The following DTNB variants were observed in gnomAD, a reference collection of about 807,000 sequenced individuals.
The protein encoded by DTNB is dystrobrevin beta.
In DTNB, 63 loss-of-function variants were observed where a neutral mutation model predicts 90.7. The ratio of observed to expected loss-of-function variants is 0.69; its 90% CI spans 0.57 to 0.86. The LOEUF is 0.86. Ranked by LOEUF, DTNB falls within the 40% of genes least tolerant of loss-of-function variation. The pLI is 0.00. For synonymous variants in DTNB, 277 were observed against 286.7 expected (o/e 0.97, Z 0.34); for missense variants, 744 against 807.1 (o/e 0.92, Z 0.95).
At chr2:25,396,503 A>G (rs2149601851) in intron 16 of DTNB, among the ~76,000 whole-genome samples, 1 of 150,694 alleles carries the variant, frequency 6.6e-6, no homozygotes, top group South Asian at 2.1e-4. Context: ...AGAGCAAGAC[A>G]CTGTCTCAGG....
chr2:25,587,958 G>T (rs987126956), intron 6 of DTNB, among the ~76,000 whole-genome samples: 5 of 151,954 alleles, frequency 3.3e-5, no homozygotes, highest in African/African-American at 1.2e-4. Context: ...CTAACTCAAT[G>T]ACTTAATTAA....
At chr2:25,610,715 C>CAT (rs2068392833) in intron 4 of DTNB, among the ~76,000 whole-genome samples, 1 of 147,500 alleles carries the variant, frequency 6.8e-6, no homozygotes, top group Non-Finnish European at 1.5e-5. Flanking sequence ...AACTTCTATC[C>CAT]TTTTTTTTTT....
At chr2:25,663,762 T>C (rs6715001) in intron 1 of DTNB, among the ~76,000 whole-genome samples, 42,745 of 152,094 alleles carry the variant, frequency 0.28, 6,895 homozygotes, top group Non-Finnish European at 0.38. Flanking sequence ...CATTTCAAAA[T>C]CTTCAGCAAC....
At chr2:25,571,654 G>A (rs2059887467) in intron 8 of DTNB, among the ~76,000 whole-genome samples, 1 of 152,130 alleles carries the variant, frequency 6.6e-6, no homozygotes, top group African/African-American at 2.4e-5. Context: ...CTAAGTTCCT[G>A]ACTCCACTTG....
intron 6 of DTNB, among the ~76,000 whole-genome samples, chr2:25,583,721 A>C (rs1251355734): frequency 6.6e-6 from 1 of 151,912 alleles, no homozygotes; most frequent in East Asian, 1.9e-4. Context: ...GGATTTCACC[A>C]TGTTGGCCAG....
At chr2:25,459,790 G>A (rs887204029) in intron 10 of DTNB, among the ~76,000 whole-genome samples, 3 of 151,968 alleles carry the variant, frequency 2.0e-5, no homozygotes, top group Admixed American at 2.0e-4. Context: ...CACCGCACCC[G>A]GCCCTGATAT....
chr2:25,494,939 T>C (rs1209925078), intron 9 of DTNB, among the ~76,000 whole-genome samples: 2 of 151,524 alleles, frequency 1.3e-5, no homozygotes, highest in African/African-American at 4.9e-5. Flanking sequence ...GCAGAACAAA[T>C]CTACAACAAA....
chr2:25,444,665 TAGGGAGA>T (rs780694308), intron 12 of DTNB, among the ~76,000 whole-genome samples: 4 of 152,098 alleles, frequency 2.6e-5, no homozygotes, highest in Non-Finnish European at 5.9e-5. Flanking sequence ...GCTCCCCATC[TAGGGAGA>T]AGTTATGGCA....
At chr2:25,621,684 C>T (rs150319621) in intron 4 of DTNB, among the ~76,000 whole-genome samples, 74 of 148,548 alleles carry the variant, frequency 5.0e-4, no homozygotes, top group Middle Eastern at 3.4e-3. Flanking sequence ...CTTGAACTCC[C>T]GACCTCAGGT....
chr2:25,511,379 C>A (rs1229216143), intron 9 of DTNB, among the ~76,000 whole-genome samples: 2 of 152,036 alleles, frequency 1.3e-5, no homozygotes. Context: ...GCTGGCCAGG[C>A]TGGAGTGCAA....
At position 25,387,433 on chromosome 2, in the gene DTNB, A is replaced by T; in HGVS notation, c.1736-55T>A. The T allele has an allele frequency of 6.5e-7, 1 of 1,545,654 alleles. No homozygotes were observed. Among genetic ancestry groups the T allele is most frequent in the Non-Finnish European group, 8.9e-7 (1 of 1,124,480 alleles). Reference sequence around the variant, plus strand: ...CAGGGTGGGTGAGCGTGGAGAAGAGACGGCTGAGCAAATGCCTCAGTTCTG... The same window carrying T: ...CAGGGTGGGTGAGCGTGGAGAAGAGTCGGCTGAGCAAATGCCTCAGTTCTG... On this transcript the variant is annotated intron_variant, in intron 17 of 20. Transcript: ENST00000406818. This position sits in a 1 kb window ranked among gnomAD's most constrained non-coding sequence, Gnocchi z 4.5.
chr2:25,524,868 C>G (rs1025338124), intron 9 of DTNB, among the ~76,000 whole-genome samples: 3 of 152,166 alleles, frequency 2.0e-5, no homozygotes, highest in African/African-American at 7.2e-5. Context: ...CCACTGAGAT[C>G]TGGTGGTTAA....
chr2:25,426,707 C>T (rs1317953843), intron 15 of DTNB: 1 of 152,234 alleles, frequency 6.6e-6, no homozygotes, highest in Non-Finnish European at 1.5e-5. Flanking sequence ...CCTTTACCTC[C>T]ATGACTGTGT....
At chr2:25,515,606 A>C (rs2074940052) in intron 9 of DTNB, among the ~76,000 whole-genome samples, 1 of 145,172 alleles carries the variant, frequency 6.9e-6, no homozygotes, top group Non-Finnish European at 1.6e-5. Flanking sequence ...TATTTATTTA[A>C]GACTGAGTCT....
At chr2:25,474,253 AG>A (rs1268168282) in intron 10 of DTNB, among the ~76,000 whole-genome samples, 2 of 151,908 alleles carry the variant, frequency 1.3e-5, no homozygotes, top group African/African-American at 4.8e-5. Context: ...CAGTTCTCTA[AG>A]ATTATGTGTT....
At position 25,639,937 on chromosome 2, in the gene DTNB, C is replaced by A. The variant is rs537139458; in HGVS notation, c.68-843G>T. ...GAACTGAGTCCACCAACCAAACCAGCATCGACTGCCAAACGCGCAGGCGAG... is the reference window on the plus strand; with the variant it reads ...GAACTGAGTCCACCAACCAAACCAGAATCGACTGCCAAACGCGCAGGCGAG... On this transcript the variant is annotated intron_variant, in intron 2 of 20. Transcript: ENST00000406818. Among the ~76,000 whole-genome samples the A allele has an allele frequency of 3.3e-5, 5 of 152,340 alleles. No homozygotes were observed. In the South Asian group the frequency reaches 1.0e-3, roughly 32 times the overall value.
chr2:25,514,925 C>T (rs547484978), intron 9 of DTNB, among the ~76,000 whole-genome samples: 29 of 152,152 alleles, frequency 1.9e-4, no homozygotes, highest in South Asian at 4.1e-4. Context: ...TAAACTGATC[C>T]GCCTGCCTTG....
At chr2:25,463,835 ACCTTAATG>A (rs2061379447) in intron 10 of DTNB, among the ~76,000 whole-genome samples, 1 of 152,172 alleles carries the variant, frequency 6.6e-6, no homozygotes, top group African/African-American at 2.4e-5. Flanking sequence ...ACTCACAAAT[ACCTTAATG>A]CAGATACAGA....
At chr2:25,551,267 T>C (rs895195622) in intron 8 of DTNB, among the ~76,000 whole-genome samples, 11 of 152,232 alleles carry the variant, frequency 7.2e-5, no homozygotes, top group African/African-American at 2.7e-4. Flanking sequence ...AGTCTATCCT[T>C]GGTCTTCTAA....
Sources: allele counts gnomAD v4.1 joint callset (sites outside exome capture counted in the v4.1 genomes callset), GRCh38; gene constraint gnomAD v4.1.1; non-coding constraint Gnocchi (gnomAD v3.1); transcripts MANE v1.5; gene names NCBI Gene and HGNC (gene_info 2026-07-23, HGNC 2026-07-21).